Variants in TRIP10 observed in about 807,000 individuals in gnomAD.
TRIP10 encodes cdc42-interacting protein 4.
In TRIP10, 54 loss-of-function variants were observed where a neutral mutation model predicts 80.9. That is an observed-to-expected ratio of 0.67 (90% CI 0.54 to 0.84). The LOEUF (loss-of-function observed/expected upper bound fraction) is 0.84, where lower values mean the gene tolerates loss of function less well. Among genes scored for constraint, TRIP10 ranks in the 40% least tolerant of loss-of-function variants. The pLI is 0.00. For missense variants in TRIP10, 773 were observed against 815.3 expected, an observed-to-expected ratio of 0.95 and a Z score of 0.63; for synonymous variants, 321 against 307.2, an observed-to-expected ratio of 1.04 and a Z score of -0.47.
Position 6,751,433 on chromosome 19 carries a change from T to G in TRIP10, c.*222T>G, listed in dbSNP as rs1036687348. The G allele has an allele frequency of 8.9e-7, 1 of 1,127,002 alleles. No homozygotes were observed. Among genetic ancestry groups the G allele is most frequent in the Non-Finnish European group, 1.1e-6 (1 of 870,392 alleles). The allele number at this position is 1,127,002 out of a possible 1,614,324, so 69.8% of individuals were successfully genotyped here. ...TTGATGTACATACTCATGTTTTACA[T>G]CTTTTCTTTCTGCCGCTCGGCTCCG... On this transcript the variant is annotated 3_prime_UTR_variant, in exon 15 of 15. Coordinates refer to ENST00000313244, the MANE Select transcript of TRIP10 (RefSeq NM_001288962.2).
In TRIP10 at chr19:6,744,991, C is replaced by T; in HGVS notation, c.981C>T (p.Asn327=). Residue 327 remains asparagine, a synonymous_variant, in exon 9 of 15, where the codon AAC becomes AAT. Coordinates refer to ENST00000313244, the MANE Select transcript of TRIP10 (RefSeq NM_001288962.2). The surrounding 1 kb of genome is among the most constrained non-coding windows in gnomAD (Gnocchi z 4.9). ...AGCGCTGGCCTTTTGGCAAGAAGAA[C>T]AAGGTGGGGGCCGGGACCCTTGGGA... ...RTKRWPFGKK[N]KPRPPPLSPL... The T allele has an allele frequency of 6.2e-7, 1 of 1,612,908 alleles. No individual in the cohort carries two copies. Among genetic ancestry groups the T allele is most frequent in the Non-Finnish European group, 8.5e-7 (1 of 1,179,562 alleles).
rs747977447 is a variant in TRIP10, at chr19:6,751,234, G to C, written c.*23G>C. The stretch of plus-strand genomic sequence containing the variant: ...TGAACCCTGCCAGAGACGGGAAGAG[G>C]GGGGCTGTCGGCTGCTGCTTCTGGG... On this transcript the variant is annotated 3_prime_UTR_variant, in exon 15 of 15. Transcript: ENST00000313244. The C allele has an allele frequency of 5.0e-6, 8 of 1,613,444 alleles. No homozygotes were observed. The highest frequency in any genetic ancestry group is 1.3e-5 in the African/African-American group (1 of 74,890).
chr19:6,748,489 A>C (rs910692656), intron 11 of TRIP10: 2 of 152,126 alleles, frequency 1.3e-5, no homozygotes, highest in Non-Finnish European at 2.9e-5. Context: ...AAAGTGGATC[A>C]GGTATTAGAA....
At position 6,743,851 on chromosome 19, in the gene TRIP10, TTC is replaced by T. The variant is rs750347939; in HGVS notation, c.642+18_642+19del. 16 of 1,612,946 alleles carry T rather than the reference TTC, an allele frequency of 9.9e-6. No homozygotes were observed. Among genetic ancestry groups the T allele is most frequent in the Non-Finnish European group, 1.2e-5 (14 of 1,179,592 alleles). On this transcript the variant is annotated intron_variant, in intron 7 of 14. Transcript: ENST00000313244. ...AGATATTCGATGTGAGTGCTCCCAGTTCTCAGACCTACCTTCCCGAAAGCCTC... is the reference window on the plus strand; with the variant it reads ...AGATATTCGATGTGAGTGCTCCCAGTTCAGACCTACCTTCCCGAAAGCCTC...
Position 6,741,025 on chromosome 19 carries a change from C to T in TRIP10, c.40C>T (p.Leu14Phe). ...CCCATGTCAGGATCAGTTCGAGGTG[C>T]TCGAGCGCCACACGCAGTGGGGGCT... ...GTELWDQFEV[L>F]ERHTQWGLDL... Residue 14 changes from leucine (L) to phenylalanine (F), a missense_variant, in exon 2 of 15, where the codon CTC (leucine) becomes TTC (phenylalanine). Physicochemically the swap from Leu to Phe is conservative, Grantham distance 22. Transcript: ENST00000313244. 6.2e-7 allele frequency: 1 copy of T among 1,613,716 alleles called. No individual in the cohort carries two copies. Among genetic ancestry groups the T allele is most frequent in the Non-Finnish European group, 8.5e-7 (1 of 1,179,830 alleles).
At position 6,750,543 on chromosome 19, in the gene TRIP10, G is replaced by C; in HGVS notation, c.1567G>C (p.Asp523His). 2 of 1,614,166 alleles carry C rather than the reference G, an allele frequency of 1.2e-6. No individual in the cohort carries two copies. Among genetic ancestry groups the C allele is most frequent in the Non-Finnish European group, 1.7e-6 (2 of 1,180,028 alleles). ...SEEPPSEESQDTPIYTEFDED... is the reference protein window; with the variant it reads ...SEEPPSEESQHTPIYTEFDED... ...AGAGCCTCCCTCAGAAGAGAGCCAGGACACCCCCATTTACACGGAGTTTGA... is the reference window on the plus strand; with the variant it reads ...AGAGCCTCCCTCAGAAGAGAGCCAGCACACCCCCATTTACACGGAGTTTGA... The change falls in exon 14 of 15, where the codon GAC becomes CAC. Residue 523 changes from aspartate to histidine, a missense_variant. By Grantham distance (81) the Asp-to-His change is moderately conservative. Transcript: ENST00000313244.
rs542253336 is a variant in TRIP10, at chr19:6,744,607, G to A, written c.696G>A (p.Gly232=). The change falls in exon 8 of 15, where the codon GGG becomes GGA. Residue 232 remains glycine (G), a synonymous_variant. Coordinates refer to ENST00000313244, the MANE Select transcript of TRIP10 (RefSeq NM_001288962.2). This position sits in a 1 kb window ranked among gnomAD's most constrained non-coding sequence, Gnocchi z 4.9. ...RRATRLGAGY[G]LLSEAELEVV... ...CCACCCGCCTGGGTGCCGGGTATGGGCTCCTGTCGGAGGCCGAGCTGGAGG... is the reference window on the plus strand; with the variant it reads ...CCACCCGCCTGGGTGCCGGGTATGGACTCCTGTCGGAGGCCGAGCTGGAGG... 12 of 1,614,132 alleles carry A rather than the reference G, an allele frequency of 7.4e-6. No individual in the cohort carries two copies. In the East Asian group the frequency reaches 1.6e-4, roughly 21 times the overall value.
chr19:6,739,741 G>A lies in TRIP10; in HGVS notation c.-21G>A, dbSNP rs1176923115. 4 of 1,187,042 alleles carry A rather than the reference G, an allele frequency of 3.4e-6. No homozygotes were observed. The highest frequency in any genetic ancestry group is 2.6e-5 in the South Asian group (1 of 38,624). 73.5% of individuals were successfully genotyped at this position (1,187,042 alleles called of 1,614,324 possible). On this transcript the variant is annotated 5_prime_UTR_variant, in exon 1 of 15. Coordinates refer to ENST00000313244, the MANE Select transcript of TRIP10 (RefSeq NM_001288962.2). ...GGGGACCGGGTGCGGTGGTGGCTGCGGCGGCGGCGGCGGGAGCAGCATGGA... is the reference window on the plus strand; with the variant it reads ...GGGGACCGGGTGCGGTGGTGGCTGCAGCGGCGGCGGCGGGAGCAGCATGGA...
In TRIP10 at chr19:6,747,488, A is replaced by G. The variant is rs7249918; in HGVS notation, c.1262+927A>G. On this transcript the variant is annotated intron_variant, in intron 11 of 14. Transcript: ENST00000313244. ...ATTAAGGGCTCATTTTACCTTATTT[A>G]TGATCATAGAGGCAAAATCCTAGCC... Among the ~76,000 whole-genome samples, 778 of 152,310 alleles carry G rather than the reference A, an allele frequency of 5.1e-3. 5 individuals are homozygous for G. The highest frequency in any genetic ancestry group is 0.013 in the African/African-American group (524 of 41,568).
chr19:6,741,254 G>C lies in TRIP10; in HGVS notation c.170G>C (p.Arg57Thr). 6.2e-7 allele frequency: 1 copy of C among 1,611,436 alleles called. No homozygotes were observed. Among genetic ancestry groups the C allele is most frequent in the Non-Finnish European group, 8.5e-7 (1 of 1,178,720 alleles). The change falls in exon 3 of 15, where the codon AGA becomes ACA. Residue 57 changes from arginine to threonine, a missense_variant. Coordinates refer to ENST00000313244, the MANE Select transcript of TRIP10 (RefSeq NM_001288962.2). The part of the protein sequence containing the change: ...RSLVKKYLPK[R>T]PAKDDPESKF... ...CTGGTGAAAAAATATCTGCCCAAGAGACCTGCCAAGGATGATCCTGAGTCC... is the reference window on the plus strand; with the variant it reads ...CTGGTGAAAAAATATCTGCCCAAGACACCTGCCAAGGATGATCCTGAGTCC...
Position 6,745,777 on chromosome 19 carries a change from A to G in TRIP10, c.985-252A>G. ...TTCTGGCTTTCGGGCTTACAGTTCA[A>G]CATCCTCCCCGCCACCTTCCAGATT... is the stretch of plus-strand genomic sequence containing the variant. On this transcript the variant is annotated intron_variant, in intron 9 of 14. Transcript: ENST00000313244. This position sits in a 1 kb window ranked among gnomAD's most constrained non-coding sequence, Gnocchi z 7.2. The G allele has an allele frequency of 1.0e-6, 1 of 985,058 alleles. No individual in the cohort carries two copies. The highest frequency in any genetic ancestry group is 1.2e-6 in the Non-Finnish European group (1 of 829,834). 61.0% of individuals were successfully genotyped at this position (985,058 alleles called of 1,614,324 possible).
Position 6,750,168 on chromosome 19 carries a change from G to A in TRIP10, c.1395+102G>A, listed in dbSNP as rs1486111813. On this transcript the variant is annotated intron_variant, in intron 12 of 14. Coordinates refer to ENST00000313244, the MANE Select transcript of TRIP10 (RefSeq NM_001288962.2). ...GACAGGGGAGGTGTTCGGAGCGGGGGGTCTCCAGCTGTTTTCCATCACAGC... is the reference window on the plus strand; with the variant it reads ...GACAGGGGAGGTGTTCGGAGCGGGGAGTCTCCAGCTGTTTTCCATCACAGC... 14 of 1,569,452 alleles carry A rather than the reference G, an allele frequency of 8.9e-6. No individual in the cohort carries two copies. In the Admixed American group the frequency reaches 1.9e-4, roughly 22 times the overall value.
intron 11 of TRIP10, among the ~76,000 whole-genome samples, chr19:6,749,728 A>G (rs1674936086): frequency 6.6e-6 from 1 of 152,086 alleles, no homozygotes; most frequent in South Asian, 2.1e-4. Context: ...ATGCGGGTCT[A>G]TAGTCCCAGT....
chr19:6,745,072 C>T lies in TRIP10; in HGVS notation c.984+78C>T. 1 of 1,498,720 alleles carries T rather than the reference C, an allele frequency of 6.7e-7. No individual in the cohort carries two copies. Among genetic ancestry groups the T allele is most frequent in the Non-Finnish European group, 8.9e-7 (1 of 1,124,254 alleles). The allele number at this position is 1,498,720 out of a possible 1,614,324, so 92.8% of individuals were successfully genotyped here. On this transcript the variant is annotated intron_variant, in intron 9 of 14. Transcript: ENST00000313244. The surrounding 1 kb of genome is among the most constrained non-coding windows in gnomAD (Gnocchi z 7.2). ...CAGTGGGGCCCCTATTGAGTCAGCC[C>T]CAGCCGCCTGAACGCCGAGTCTCGG...
In TRIP10 at chr19:6,745,931, C is replaced by T. The variant is rs1023397460; in HGVS notation, c.985-98C>T. On this transcript the variant is annotated intron_variant, in intron 9 of 14. Coordinates refer to ENST00000313244, the MANE Select transcript of TRIP10 (RefSeq NM_001288962.2). The surrounding 1 kb of genome is among the most constrained non-coding windows in gnomAD (Gnocchi z 7.2). ...CTTTTTTTGCGTCCATCCGTCCATC[C>T]GTGCGTCCATCCCTCCGTCCATTCG... The T allele has an allele frequency of 1.5e-4, 184 of 1,248,448 alleles. No individual in the cohort carries two copies. Among genetic ancestry groups the T allele is most frequent in the African/African-American group, 1.7e-4 (11 of 64,832 alleles). 77.3% of individuals were successfully genotyped at this position (1,248,448 alleles called of 1,614,324 possible).
chr19:6,741,042 GT>G lies in TRIP10; in HGVS notation c.58del (p.Trp20GlyfsTer10). The part of the protein sequence containing the change: ...QFEVLERHTQ[W>X]GLDLLDRYVK... ...TCGAGGTGCTCGAGCGCCACACGCA[GT>G]GGGGGCTGGACCTGTTGGACAGATA... On this transcript the variant is annotated frameshift_variant, in exon 2 of 15. Transcript: ENST00000313244. LOFTEE classifies it high-confidence loss of function. The G allele has an allele frequency of 6.2e-7, 1 of 1,613,952 alleles. No individual in the cohort carries two copies. Among genetic ancestry groups the G allele is most frequent in the Non-Finnish European group, 8.5e-7 (1 of 1,179,896 alleles).
chr19:6,751,390 TCTA>T lies in TRIP10; in HGVS notation c.*181_*183del. On this transcript the variant is annotated 3_prime_UTR_variant, in exon 15 of 15. Transcript: ENST00000313244. ...CACACCGGACGGACCCGCTGTGCCT[TCTA>T]CCATCGTTCCACCATTGATGTACAT... is the stretch of plus-strand genomic sequence containing the variant. 7.4e-7 allele frequency: 1 copy of T among 1,346,540 alleles called. No individual in the cohort carries two copies. Among genetic ancestry groups the T allele is most frequent in the South Asian group, 1.9e-5 (1 of 53,642 alleles). The allele number at this position is 1,346,540 out of a possible 1,614,324, so 83.4% of individuals were successfully genotyped here.
chr19:6,743,667 G>C (rs1247625938), intron 6 of TRIP10, 41 bp from the exon 7 acceptor site: 1 of 1,612,414 alleles, frequency 6.2e-7, no homozygotes, highest in Non-Finnish European at 8.5e-7. Context: ...AGTGGGACGT[G>C]ATCGGAACCT....
rs149434643 is a variant in TRIP10 at position 6,741,280 on chromosome 19, A to G, written c.196A>G (p.Lys66Glu). Reference protein sequence around the residue: ...KRPAKDDPESKFSQQQSFVQI... With the variant: ...KRPAKDDPESEFSQQQSFVQI... The stretch of plus-strand genomic sequence containing the variant: ...ACCTGCCAAGGATGATCCTGAGTCC[A>G]AGTAAGGTTGGAGAGGGGCTGCAGG... Residue 66 changes from lysine (K) to glutamate (E), a missense_variant and splice_region_variant, in exon 3 of 15, where the codon AAA becomes GAA. Physicochemically the swap from Lys to Glu is moderately conservative, Grantham distance 56. Transcript: ENST00000313244. 2.0e-4 allele frequency: 324 copies of G among 1,608,362 alleles called. 1 individual carries two copies. The Middle Eastern group carries it at 2.6e-3, about 13-fold the overall frequency.
Sources: gnomAD v4.1 joint callset for allele counts (sites outside exome capture counted in the v4.1 genomes callset) on GRCh38, gnomAD v4.1.1 for gene constraint, Gnocchi (gnomAD v3.1) non-coding constraint, MANE v1.5 for transcripts, NCBI Gene and HGNC (gene_info 2026-07-23, HGNC 2026-07-21) for gene names.